FGF14: variants seen among roughly 807,000 people sequenced by gnomAD.
The protein encoded by FGF14 is fibroblast growth factor 14.
FGF14 carries 5 observed loss-of-function variants against 25.5 expected under a neutral mutation model. The observed-to-expected ratio is 0.20, with a 90% CI of 0.10 to 0.41. The LOEUF is 0.41. FGF14 is among the 10% of genes least tolerant of loss of function. The pLI, the probability that FGF14 is intolerant of heterozygous loss-of-function variation, is 1.00. For synonymous variants in FGF14, 138 were observed against 118.3 expected (o/e 1.17, Z -1.08); for missense variants, 222 against 320.1 (o/e 0.69, Z 2.34).
At chr13:102,100,983 C>T (rs2140284637) in intron 1 of FGF14, among the ~76,000 whole-genome samples, 2 of 152,180 alleles carry the variant, frequency 1.3e-5, no homozygotes, top group South Asian at 4.2e-4. Context: ...CCTGTAATCC[C>T]AGTTACTTGG....
chr13:101,869,245 G>A (rs1415350678), intron 2 of FGF14, among the ~76,000 whole-genome samples: 1 of 152,148 alleles, frequency 6.6e-6, no homozygotes, highest in African/African-American at 2.4e-5. Context: ...ATTGCAATGA[G>A]GTCAGGCCAG....
chr13:102,147,370 T>A (rs1398410884), intron 1 of FGF14, among the ~76,000 whole-genome samples: 2 of 152,202 alleles, frequency 1.3e-5, no homozygotes, highest in Admixed American at 1.3e-4. Flanking sequence ...CTTCTGAATA[T>A]GCAGGTGTAT....
intron 3 of FGF14, among the ~76,000 whole-genome samples, chr13:101,840,260 A>C (rs994003522): frequency 6.6e-6 from 1 of 151,954 alleles, no homozygotes; most frequent in Non-Finnish European, 1.5e-5. Flanking sequence ...TTCTTCTATG[A>C]AATTCACAGA....
chr13:101,764,179 T>C (rs2038232940), intron 3 of FGF14, among the ~76,000 whole-genome samples: 1 of 152,142 alleles, frequency 6.6e-6, no homozygotes, highest in Non-Finnish European at 1.5e-5. Context: ...TTATTCTTAT[T>C]TTAATACTCT....
chr13:102,272,054 C>A (rs781342500), intron 1 of FGF14, among the ~76,000 whole-genome samples: 1 of 152,178 alleles, frequency 6.6e-6, no homozygotes, highest in Non-Finnish European at 1.5e-5. Context: ...GCCTGTCCAG[C>A]TGCTCTCCAC....
At chr13:102,007,903 A>C (rs1410603240) in intron 1 of FGF14, among the ~76,000 whole-genome samples, 1 of 152,208 alleles carries the variant, frequency 6.6e-6, no homozygotes, top group African/African-American at 2.4e-5. Context: ...ATGAAGAATA[A>C]AGAAATCAGG....
At chr13:102,243,870 T>C (rs2051728776) in intron 1 of FGF14, among the ~76,000 whole-genome samples, 1 of 151,986 alleles carries the variant, frequency 6.6e-6, no homozygotes, top group South Asian at 2.1e-4. Context: ...TGAAACACTA[T>C]TAAAAATCCT....
At chr13:102,091,317 C>T (rs1246396743) in intron 1 of FGF14, among the ~76,000 whole-genome samples, 1 of 152,138 alleles carries the variant, frequency 6.6e-6, no homozygotes, top group Non-Finnish European at 1.5e-5. Context: ...CCAAGATTCT[C>T]TCTGTTAGGA....
In FGF14 at chr13:102,028,706, GGTT is replaced by G. The variant is rs1283071364; in HGVS notation, c.209-153413_209-153411del. ...CAAGTTTTCATGTCAGGGAATATGGGGTTTTTTTTGTTTTGTTTTTCATCTTTA... is the reference window on the plus strand; with the variant it reads ...CAAGTTTTCATGTCAGGGAATATGGGTTTTTTGTTTTGTTTTTCATCTTTA... On this transcript the variant is annotated intron_variant, in intron 1 of 4. Coordinates refer to the FGF14 transcript ENST00000376131. Among the ~76,000 whole-genome samples, 8 of 151,768 alleles carry G rather than the reference GGTT, an allele frequency of 5.3e-5. No individual in the cohort carries two copies. The East Asian group carries it at 1.6e-3, about 30-fold the overall frequency.
intron 1 of FGF14, among the ~76,000 whole-genome samples, chr13:102,296,178 T>G (rs77041951): frequency 0.013 from 1,919 of 152,212 alleles, 39 homozygotes; most frequent in African/African-American, 0.043. Context: ...TCTCATCATG[T>G]CTCCCAGGCC....
chr13:102,000,858 T>C (rs1270947523), intron 1 of FGF14, among the ~76,000 whole-genome samples: 1 of 152,206 alleles, frequency 6.6e-6, no homozygotes. Context: ...AAATGTCCTA[T>C]AATCAACTGA....
chr13:102,120,719 T>C (rs1430153320), intron 1 of FGF14, among the ~76,000 whole-genome samples: 1 of 123,384 alleles, frequency 8.1e-6, no homozygotes, highest in Non-Finnish European at 1.7e-5. Context: ...TTTTTTTTTT[T>C]TCGAGACAGA....
intron 1 of FGF14, among the ~76,000 whole-genome samples, chr13:101,935,773 C>A (rs1373156489): frequency 6.6e-6 from 1 of 152,106 alleles, no homozygotes; most frequent in Non-Finnish European, 1.5e-5. Context: ...CATATGCCCC[C>A]CAAAACAAAA....
At chr13:102,011,926 G>A (rs1431927160) in intron 1 of FGF14, among the ~76,000 whole-genome samples, 2 of 152,188 alleles carry the variant, frequency 1.3e-5, no homozygotes, top group East Asian at 1.9e-4. Flanking sequence ...CATCTTCAGC[G>A]ATCACTCATG....
intron 1 of FGF14, among the ~76,000 whole-genome samples, chr13:102,335,861 T>A (rs2056774511): frequency 6.6e-6 from 1 of 152,216 alleles, no homozygotes; most frequent in Non-Finnish European, 1.5e-5. Context: ...TAGTAATTTG[T>A]AGCCAGTGAT....
chr13:102,103,788 G>A (rs867532693), intron 1 of FGF14, among the ~76,000 whole-genome samples: 95 of 152,060 alleles, frequency 6.2e-4, no homozygotes, highest in African/African-American at 1.9e-3. Flanking sequence ...TCTTTCTCCC[G>A]TTCTCTGCCA....
At chr13:102,273,620 G>A (rs1453094036) in intron 1 of FGF14, among the ~76,000 whole-genome samples, 1 of 152,178 alleles carries the variant, frequency 6.6e-6, no homozygotes, top group Non-Finnish European at 1.5e-5. Flanking sequence ...AATGTCATAA[G>A]CAGAAATTAG....
intron 1 of FGF14, among the ~76,000 whole-genome samples, chr13:102,196,366 A>T (rs2049350627): frequency 6.6e-6 from 1 of 152,194 alleles, no homozygotes; most frequent in Non-Finnish European, 1.5e-5. Context: ...GGAGAAATGA[A>T]TGAGTCAATT....
At chr13:102,346,817 A>G (rs1223035930) in intron 1 of FGF14, among the ~76,000 whole-genome samples, 1 of 152,186 alleles carries the variant, frequency 6.6e-6, no homozygotes, top group East Asian at 1.9e-4. Context: ...AAAATGCATC[A>G]TGTGACTAGC....
Sources: gnomAD v4.1 joint callset for allele counts (sites outside exome capture counted in the v4.1 genomes callset) on GRCh38, gnomAD v4.1.1 for gene constraint, MANE v1.5 for transcripts, NCBI Gene and HGNC (gene_info 2026-07-23, HGNC 2026-07-21) for gene names.